Variants in PPHLN1 observed in about 807,000 individuals in gnomAD.
PPHLN1 encodes periphilin-1.
In PPHLN1, 29 loss-of-function variants were observed where a neutral mutation model predicts 51.3. The observed-to-expected ratio is 0.57, with a 90% confidence interval of 0.42 to 0.77. The LOEUF (loss-of-function observed/expected upper bound fraction) is 0.77. PPHLN1 is among the 30% of genes least tolerant of loss of function. PPHLN1 has a pLI of 0.00. For missense variants in PPHLN1, 436 were observed against 438.4 expected, an observed-to-expected ratio of 0.99 and a Z score of 0.05; for synonymous variants, 147 against 147.8, an observed-to-expected ratio of 0.99 and a Z score of 0.04.
chr12:42,424,412 C>T (rs1592925969), intron 9 of PPHLN1, among the ~76,000 whole-genome samples: 2 of 152,328 alleles, frequency 1.3e-5, no homozygotes, highest in Admixed American at 1.3e-4. Context: ...CCTTTCCCCA[C>T]CTTCCTGCCA....
At chr12:42,389,094 T>A (rs1394107321) in intron 7 of PPHLN1, among the ~76,000 whole-genome samples, 1 of 151,494 alleles carries the variant, frequency 6.6e-6, no homozygotes, top group African/African-American at 2.4e-5. Flanking sequence ...AAGAATTGGC[T>A]GGGTGTGGTG....
At chr12:42,329,340 C>T (rs942935669) in intron 1 of PPHLN1, among the ~76,000 whole-genome samples, 12 of 151,810 alleles carry the variant, frequency 7.9e-5, no homozygotes, top group East Asian at 3.9e-4. Flanking sequence ...CTCCTGACTT[C>T]GTGATCCGCC....
chr12:42,424,015 A>T (rs1250371998), intron 9 of PPHLN1, among the ~76,000 whole-genome samples: 1 of 152,184 alleles, frequency 6.6e-6, no homozygotes, highest in African/African-American at 2.4e-5. Flanking sequence ...ATTATGTTGA[A>T]TAGAGGCTTG....
At chr12:42,414,343 A>AT (rs1253587794) in intron 9 of PPHLN1, among the ~76,000 whole-genome samples, 2 of 151,980 alleles carry the variant, frequency 1.3e-5, no homozygotes, top group Non-Finnish European at 2.9e-5. Context: ...CGATGTTGGT[A>AT]TTTTAATAGG....
At chr12:42,415,953 T>A (rs1342299962) in intron 9 of PPHLN1, among the ~76,000 whole-genome samples, 1 of 152,174 alleles carries the variant, frequency 6.6e-6, no homozygotes, top group Non-Finnish European at 1.5e-5. Flanking sequence ...TTAGTTCCAG[T>A]TAGAACCAAA....
At chr12:42,358,613 C>T (rs527587083) in intron 4 of PPHLN1, among the ~76,000 whole-genome samples, 9 of 152,174 alleles carry the variant, frequency 5.9e-5, no homozygotes, top group African/African-American at 1.9e-4. Flanking sequence ...ACTTTATTGC[C>T]TAGGATGGTC....
chr12:42,400,917 C>G (rs1056238505), intron 9 of PPHLN1, among the ~76,000 whole-genome samples: 1 of 151,812 alleles, frequency 6.6e-6, no homozygotes, highest in African/African-American at 2.4e-5. Flanking sequence ...TAGATATTTA[C>G]ATCTGTTGTG....
chr12:42,344,139 G>A (rs2071913307), intron 2 of PPHLN1, among the ~76,000 whole-genome samples: 1 of 152,144 alleles, frequency 6.6e-6, no homozygotes, highest in Non-Finnish European at 1.5e-5. Context: ...GGTGCTTACT[G>A]TGTGCCAGGT....
In PPHLN1 at chr12:42,428,447, T is replaced by C. The variant is rs930072399; in HGVS notation, c.910-12868T>C. Among the ~76,000 whole-genome samples the C allele has an allele frequency of 9.2e-5, 14 of 152,268 alleles. No homozygotes were observed. The South Asian group carries it at 1.7e-3, about 18-fold the overall frequency. ...TACTTAGCCATAAAAAGGAACAAAT[T>C]AGTGGCATTTGGAATGAGCGGGGTG... On this transcript the variant is annotated intron_variant, in intron 9 of 9. Coordinates refer to ENST00000358314, the MANE Select transcript of PPHLN1 (RefSeq NM_201439.2).
At chr12:42,402,874 T>C (rs145250059) in intron 9 of PPHLN1, among the ~76,000 whole-genome samples, 28 of 152,328 alleles carry the variant, frequency 1.8e-4, no homozygotes, top group Non-Finnish European at 2.9e-4. Flanking sequence ...CTTCTTACAG[T>C]GTCTCATTTC....
At chr12:42,416,418 C>G (rs1038440790) in intron 9 of PPHLN1, among the ~76,000 whole-genome samples, 3 of 152,158 alleles carry the variant, frequency 2.0e-5, no homozygotes, top group Non-Finnish European at 4.4e-5. Flanking sequence ...CACCTGGAAT[C>G]AGTGCATACA....
chr12:42,367,201 ATGTTTAT>A, intron 4 of PPHLN1, among the ~76,000 whole-genome samples: 1 of 152,196 alleles, frequency 6.6e-6, no homozygotes, highest in East Asian at 1.9e-4. Flanking sequence ...GGGTATCTTG[ATGTTTAT>A]TACTGTTTAA....
chr12:42,416,022 C>T (rs2080350102), intron 9 of PPHLN1, among the ~76,000 whole-genome samples: 1 of 152,114 alleles, frequency 6.6e-6, no homozygotes, highest in African/African-American at 2.4e-5. Context: ...GTAGGATTCT[C>T]ATAGGTAGAG....
chr12:42,368,478 G>T (rs542213268), intron 4 of PPHLN1, among the ~76,000 whole-genome samples: 1 of 152,136 alleles, frequency 6.6e-6, no homozygotes, highest in Non-Finnish European at 1.5e-5. Context: ...TGTCAGAATT[G>T]CTATGTCTGG....
At chr12:42,398,833 G>T (rs576491944) in intron 8 of PPHLN1, 21 bp from the exon 9 acceptor site, 6 of 1,608,902 alleles carry the variant, frequency 3.7e-6, no homozygotes, top group Non-Finnish European at 5.1e-6. Context: ...AATAATTAAA[G>T]ATTTCTAATT....
chr12:42,409,662 A>C lies in PPHLN1; in HGVS notation c.909+10668A>C, dbSNP rs116156658. Among the ~76,000 whole-genome samples, 819 of 150,628 alleles carry C rather than the reference A, an allele frequency of 5.4e-3. 6 individuals are homozygous for C. Among genetic ancestry groups the C allele is most frequent in the African/African-American group, 0.019 (783 of 40,162 alleles). ...ATATAGTGTATTTCCTCCCATTGAAAACTTTCCTCCCATTGAAAACTGCTT... is the reference window on the plus strand; with the variant it reads ...ATATAGTGTATTTCCTCCCATTGAACACTTTCCTCCCATTGAAAACTGCTT... On this transcript the variant is annotated intron_variant, in intron 9 of 9. Transcript: ENST00000358314.
chr12:42,433,039 C>T (rs1164689838), intron 9 of PPHLN1: 4 of 944,388 alleles, frequency 4.2e-6, no homozygotes, highest in Non-Finnish European at 5.3e-6. Context: ...CAGGAAAATC[C>T]ACTGTGCATT....
intron 4 of PPHLN1, among the ~76,000 whole-genome samples, chr12:42,364,476 TAAAA>T: frequency 6.6e-6 from 1 of 151,782 alleles, no homozygotes; most frequent in Non-Finnish European, 1.5e-5. Flanking sequence ...CAAAAAAAAT[TAAAA>T]AATAAGTTGG....
chr12:42,355,020 G>A, intron 3 of PPHLN1, 141 bp from the exon 4 acceptor site: 3 of 694,052 alleles, frequency 4.3e-6, no homozygotes, highest in Non-Finnish European at 5.1e-6. Context: ...TGTTGAAATG[G>A]ATGACTTGCT....
Sources: allele counts gnomAD v4.1 joint callset (sites outside exome capture counted in the v4.1 genomes callset), GRCh38; gene constraint gnomAD v4.1.1; transcripts MANE v1.5; gene names NCBI Gene and HGNC (gene_info 2026-07-23, HGNC 2026-07-21).